Variants in SYN3 observed in about 807,000 individuals in gnomAD.
The protein encoded by SYN3 is synapsin-3.
A neutral mutation model predicts 65.8 loss-of-function variants in SYN3; 35 were observed. The observed-to-expected ratio is 0.53, with a 90% confidence interval of 0.41 to 0.70. SYN3 has a LOEUF of 0.70. Ranked by LOEUF, SYN3 falls within the 30% of genes least tolerant of loss-of-function variation. The pLI is 0.00. For missense variants in SYN3, 680 were observed against 749.0 expected (o/e 0.91, Z 1.08); for synonymous variants, 270 against 292.9 (o/e 0.92, Z 0.80).
intron 6 of SYN3, among the ~76,000 whole-genome samples, chr22:32,826,533 T>C (rs1328222359): frequency 6.6e-6 from 1 of 152,234 alleles, no homozygotes; most frequent in Non-Finnish European, 1.5e-5. Flanking sequence ...TCCTATTTTG[T>C]TAAATTTTGG....
chr22:32,848,898 A>G (rs1304021715), intron 6 of SYN3, among the ~76,000 whole-genome samples: 7 of 152,166 alleles, frequency 4.6e-5, no homozygotes, highest in African/African-American at 9.7e-5. Flanking sequence ...CTTGCTATCT[A>G]AGCACTGGAT....
At position 33,045,349 on chromosome 22, in the gene SYN3, C is replaced by T. The variant is rs117305588; in HGVS notation, c.-163+12943G>A. On this transcript the variant is annotated intron_variant, in intron 1 of 13. Coordinates refer to ENST00000358763, the MANE Select transcript of SYN3 (RefSeq NM_003490.4). ...CTGGGAGCCACTTGAGGATAGAAAC[C>T]TTGCCTGATTTATATTTAAATTCTC... Among the ~76,000 whole-genome samples the T allele has an allele frequency of 7.9e-4, 120 of 152,068 alleles. 1 individual carries two copies. In the East Asian group the frequency reaches 0.023, roughly 29 times the overall value.
intron 6 of SYN3, among the ~76,000 whole-genome samples, chr22:32,804,037 A>G (rs188582223): frequency 1.1e-3 from 168 of 152,286 alleles, no homozygotes; most frequent in Non-Finnish European, 2.0e-3. Flanking sequence ...GTTTCTTACA[A>G]TTTCTCTGGA....
chr22:32,995,393 A>T (rs2052847904), intron 2 of SYN3, among the ~76,000 whole-genome samples: 1 of 152,202 alleles, frequency 6.6e-6, no homozygotes, highest in Non-Finnish European at 1.5e-5. Context: ...AGTCTCTCCA[A>T]ATATGGCATG....
intron 6 of SYN3, among the ~76,000 whole-genome samples, chr22:32,697,066 T>C (rs2060746599): frequency 6.6e-6 from 1 of 152,202 alleles, no homozygotes; most frequent in Non-Finnish European, 1.5e-5. Flanking sequence ...TCACTCCAGC[T>C]GGTGTTAAAA....
At chr22:32,896,264 G>A (rs1328700894) in intron 4 of SYN3, among the ~76,000 whole-genome samples, 1 of 152,144 alleles carries the variant, frequency 6.6e-6, no homozygotes, top group African/African-American at 2.4e-5. Context: ...AGAGCAGCCT[G>A]GCCAACATGG....
rs1471585485 is a variant in SYN3 at position 32,869,077 on chromosome 22, G to A, written c.510C>T (p.Ser170=). Residue 170 remains serine, a synonymous_variant, in exon 5 of 14, where the codon AGC becomes AGT. Coordinates refer to ENST00000358763, the MANE Select transcript of SYN3 (RefSeq NM_003490.4). The stretch of plus-strand genomic sequence containing the variant: ...TGCGGTAGTCTTCCCCCAGGGCCAT[G>A]CTGTAGGCATGCTGGCGGACCAGGA... The part of the protein sequence containing the change: ...DFILVRQHAY[S]MALGEDYRSL... 6.2e-7 allele frequency: 1 copy of A among 1,614,094 alleles called. No homozygotes were observed. The highest frequency in any genetic ancestry group is 1.1e-5 in the South Asian group (1 of 91,074).
At chr22:33,054,078 C>T (rs1200265682) in intron 1 of SYN3, among the ~76,000 whole-genome samples, 5 of 152,144 alleles carry the variant, frequency 3.3e-5, no homozygotes, top group African/African-American at 4.8e-5. Context: ...TGAGGACAAT[C>T]GCATCTCCTA....
chr22:32,900,917 A>G (rs1472328017), intron 4 of SYN3, among the ~76,000 whole-genome samples: 1 of 152,234 alleles, frequency 6.6e-6, no homozygotes, highest in Non-Finnish European at 1.5e-5. Flanking sequence ...TATCAGCTAC[A>G]TGACGGCAGC....
intron 6 of SYN3, among the ~76,000 whole-genome samples, chr22:32,852,210 A>C (rs191649789): frequency 6.6e-6 from 1 of 152,350 alleles, no homozygotes; most frequent in Admixed American, 6.5e-5. Flanking sequence ...TATGGCCACA[A>C]AGTGGCAAAC....
intron 6 of SYN3, among the ~76,000 whole-genome samples, chr22:32,727,938 A>G (rs2061218757): frequency 6.6e-6 from 1 of 152,202 alleles, no homozygotes; most frequent in Non-Finnish European, 1.5e-5. Flanking sequence ...AGATACCTGT[A>G]TACCTACAAC....
chr22:32,914,177 A>G (rs1391773105), intron 4 of SYN3, among the ~76,000 whole-genome samples: 1 of 152,234 alleles, frequency 6.6e-6, no homozygotes, highest in African/African-American at 2.4e-5. Context: ...AAAAGATACA[A>G]ACCTGAGCTA....
intron 3 of SYN3, among the ~76,000 whole-genome samples, chr22:32,975,917 G>T (rs187126725): frequency 6.6e-6 from 1 of 152,266 alleles, no homozygotes; most frequent in African/African-American, 2.4e-5. Flanking sequence ...TCTCTATCTT[G>T]TTGACAACTG....
At chr22:32,531,371 C>T (rs1249268654) in intron 10 of SYN3, among the ~76,000 whole-genome samples, 2 of 151,920 alleles carry the variant, frequency 1.3e-5, no homozygotes, top group Non-Finnish European at 2.9e-5. Flanking sequence ...CCTGCCCCTG[C>T]CAACCCCATT....
chr22:32,871,734 A>C (rs1019800788), intron 4 of SYN3, among the ~76,000 whole-genome samples: 2 of 152,072 alleles, frequency 1.3e-5, no homozygotes, highest in Non-Finnish European at 2.9e-5. Context: ...CAGCCTCCCA[A>C]GTAGCTGGGA....
At chr22:32,550,391 C>T (rs2058395347) in intron 7 of SYN3, among the ~76,000 whole-genome samples, 1 of 145,518 alleles carries the variant, frequency 6.9e-6, no homozygotes, top group Non-Finnish European at 1.5e-5. Flanking sequence ...CTCAACACAA[C>T]AGTAACTATA....
chr22:33,047,813 T>C (rs1409873198), intron 1 of SYN3, among the ~76,000 whole-genome samples: 2 of 150,646 alleles, frequency 1.3e-5, no homozygotes, highest in Non-Finnish European at 2.9e-5. Context: ...GGGTTCTCTC[T>C]TAATCCTCTT....
In SYN3 at chr22:32,510,752, C is replaced by T. The variant is rs1229732208; in HGVS notation, c.*2940G>A. 1.3e-5 allele frequency among the ~76,000 whole-genome samples: 2 copies of T among 152,202 alleles called. No homozygotes were observed. Among genetic ancestry groups the T allele is most frequent in the Middle Eastern group, 3.4e-3 (1 of 294 alleles). On this transcript the variant is annotated 3_prime_UTR_variant, in exon 14 of 14. Coordinates refer to ENST00000358763, the MANE Select transcript of SYN3 (RefSeq NM_003490.4). ...GCCCCAGATCCTTCTAATGGGGGAA[C>T]CTCACCTGCCCTTGTCAGGAAAGAA...
At chr22:32,807,683 C>A (rs1306925480) in intron 6 of SYN3, among the ~76,000 whole-genome samples, 1 of 150,684 alleles carries the variant, frequency 6.6e-6, no homozygotes, top group African/African-American at 2.4e-5. Flanking sequence ...TGTATTTAAG[C>A]CCCTTCACCC....
Sources: allele counts gnomAD v4.1 joint callset (sites outside exome capture counted in the v4.1 genomes callset), GRCh38; gene constraint gnomAD v4.1.1; transcripts MANE v1.5; gene names NCBI Gene and HGNC (gene_info 2026-07-23, HGNC 2026-07-21).